PLCB1: variants seen among roughly 807,000 people sequenced by gnomAD.
The protein encoded by PLCB1 is 1-phosphatidylinositol 4,5-bisphosphate phosphodiesterase beta-1.
In PLCB1, 46 loss-of-function variants were observed where a neutral mutation model predicts 161.8. The ratio of observed to expected loss-of-function variants is 0.28; its 90% CI spans 0.22 to 0.36. The LOEUF is 0.36. PLCB1 is among the 10% of genes least tolerant of loss of function. PLCB1 has a pLI of 1.00. For synonymous variants in PLCB1, 517 were observed against 503.7 expected (o/e 1.03, Z -0.35); for missense variants, 1,016 against 1,472.5 (o/e 0.69, Z 5.07).
At chr20:8,715,934 G>C in intron 12 of PLCB1, 1 of 254,128 alleles carries the variant, frequency 3.9e-6, no homozygotes, top group East Asian at 7.4e-5. Context: ...CAATTGACTT[G>C]GAATCAGCGA....
chr20:8,253,131 A>G (rs907033112), intron 2 of PLCB1, among the ~76,000 whole-genome samples: 2 of 151,954 alleles, frequency 1.3e-5, no homozygotes, highest in Non-Finnish European at 2.9e-5. Flanking sequence ...TATCATGTGC[A>G]GAGTGCTCTA....
chr20:8,646,328 C>T (rs1278786406), intron 5 of PLCB1, 147 bp downstream of exon 5: 18 of 626,796 alleles, frequency 2.9e-5, no homozygotes, highest in Non-Finnish European at 4.9e-5. Context: ...GAACTGATAC[C>T]TCCCCTGTTC....
At chr20:8,843,368 T>C (rs1986576866) in intron 31 of PLCB1, among the ~76,000 whole-genome samples, 1 of 152,184 alleles carries the variant, frequency 6.6e-6, no homozygotes, top group African/African-American at 2.4e-5. Context: ...TCTCCTGGCT[T>C]TGGCAAATTT....
chr20:8,593,967 C>T (rs1987240392), intron 3 of PLCB1, among the ~76,000 whole-genome samples: 1 of 152,120 alleles, frequency 6.6e-6, no homozygotes, highest in African/African-American at 2.4e-5. Context: ...TCACTGCAGC[C>T]TCAACCTCCT....
chr20:8,311,916 A>G (rs1394611726), intron 2 of PLCB1, among the ~76,000 whole-genome samples: 1 of 152,224 alleles, frequency 6.6e-6, no homozygotes, highest in African/African-American at 2.4e-5. Flanking sequence ...TAATGTCTAC[A>G]CAGGAGGAGA....
At chr20:8,858,504 G>A (rs762223913) in intron 31 of PLCB1, among the ~76,000 whole-genome samples, 3 of 152,132 alleles carry the variant, frequency 2.0e-5, no homozygotes, top group African/African-American at 7.2e-5. Flanking sequence ...AATCTAAATG[G>A]CATAAGGCTG....
At chr20:8,684,113 T>C (rs1415452097) in intron 9 of PLCB1, among the ~76,000 whole-genome samples, 1 of 152,126 alleles carries the variant, frequency 6.6e-6, no homozygotes, top group Non-Finnish European at 1.5e-5. Flanking sequence ...CTCGATCTCC[T>C]GACCTTGTGA....
chr20:8,875,061 C>A (rs1020008569), intron 31 of PLCB1, among the ~76,000 whole-genome samples: 5 of 151,632 alleles, frequency 3.3e-5, no homozygotes, highest in Non-Finnish European at 7.4e-5. Context: ...TATTGCATTT[C>A]TCTAATTGTT....
Position 8,622,255 on chromosome 20 carries a change from GAA to G in PLCB1, c.247-6025_247-6024del, listed in dbSNP as rs564055950. ...GTGACAGAGCAAGACTCTGCCTCAG[GAA>G]AAAAAAAAAAAAAGAATCTTAGTAG... is the stretch of plus-strand genomic sequence containing the variant. On this transcript the variant is annotated intron_variant, in intron 3 of 31. Transcript: ENST00000338037. Among the ~76,000 whole-genome samples the G allele has an allele frequency of 3.3e-4, 39 of 116,500 alleles. No homozygotes were observed. The East Asian group carries it at 6.4e-3, about 19-fold the overall frequency. The allele number at this position is 116,500 out of a possible 152,430, so 76.4% of individuals were successfully genotyped here. A position where few individuals can be genotyped will look rare whatever the true frequency, so the allele number is the denominator to read the frequency against.
intron 25 of PLCB1, among the ~76,000 whole-genome samples, chr20:8,761,978 G>GGGT (rs922880211): frequency 4.6e-5 from 7 of 151,344 alleles, no homozygotes; most frequent in East Asian, 2.0e-4. Flanking sequence ...GGAGGCCAAG[G>GGGT]GGGGGGCGGA....
chr20:8,739,486 C>A, intron 21 of PLCB1, 126 bp downstream of exon 21: 1 of 651,048 alleles, frequency 1.5e-6, no homozygotes, highest in Non-Finnish European at 2.8e-6. Context: ...GTAACAAGGG[C>A]GATGAGATTT....
chr20:8,262,889 C>T (rs1041936123), intron 2 of PLCB1, among the ~76,000 whole-genome samples: 2 of 152,138 alleles, frequency 1.3e-5, no homozygotes, highest in Non-Finnish European at 2.9e-5. Context: ...AAAGATTCGT[C>T]TTCCTCTTTT....
intron 15 of PLCB1, among the ~76,000 whole-genome samples, chr20:8,724,326 T>A (rs888247892): frequency 6.6e-6 from 1 of 152,118 alleles, no homozygotes; most frequent in Non-Finnish European, 1.5e-5. Context: ...TCCAATGACC[T>A]TAGTAAAATG....
chr20:8,188,869 G>C (rs564957260), intron 2 of PLCB1, among the ~76,000 whole-genome samples: 1 of 152,224 alleles, frequency 6.6e-6, no homozygotes, highest in South Asian at 2.1e-4. Flanking sequence ...TTGTGTAGCA[G>C]ACTGCTAAAA....
intron 20 of PLCB1, 43 bp downstream of exon 20, chr20:8,737,235 A>C: frequency 6.7e-7 from 1 of 1,496,558 alleles, no homozygotes; most frequent in Non-Finnish European, 9.2e-7. Flanking sequence ...TGCATTTTTC[A>C]GGTGTTTTAC....
chr20:8,198,333 C>T (rs1033911077), intron 2 of PLCB1, among the ~76,000 whole-genome samples: 8 of 152,138 alleles, frequency 5.3e-5, no homozygotes, highest in Admixed American at 1.3e-4. Flanking sequence ...TCTTTTATTT[C>T]GCTGAGCAGT....
intron 4 of PLCB1, among the ~76,000 whole-genome samples, chr20:8,641,233 A>G (rs961930648): frequency 6.6e-6 from 1 of 152,224 alleles, no homozygotes; most frequent in African/African-American, 2.4e-5. Flanking sequence ...CTATTCCAGT[A>G]TAGTTCACAT....
intron 3 of PLCB1, among the ~76,000 whole-genome samples, chr20:8,594,702 C>G (rs1239335986): frequency 2.0e-5 from 3 of 150,968 alleles, no homozygotes; most frequent in Non-Finnish European, 4.4e-5. Flanking sequence ...AAAAAAAGCA[C>G]TTTTAAGACA....
chr20:8,208,118 C>T (rs1226982122), intron 2 of PLCB1, among the ~76,000 whole-genome samples: 1 of 152,064 alleles, frequency 6.6e-6, no homozygotes, highest in Non-Finnish European at 1.5e-5. Flanking sequence ...AAAGACTAGA[C>T]AGATATTTGA....
Sources: gnomAD v4.1 joint callset for allele counts (sites outside exome capture counted in the v4.1 genomes callset) on GRCh38, gnomAD v4.1.1 for gene constraint, MANE v1.5 for transcripts, NCBI Gene and HGNC (gene_info 2026-07-23, HGNC 2026-07-21) for gene names.